The following LURAP1 variants were observed in gnomAD, a reference collection of about 807,000 sequenced individuals.
The protein encoded by LURAP1 is leucine rich adaptor protein 1.
Under a neutral mutation model 19.0 loss-of-function variants are expected in LURAP1, and 14 were observed. That is an observed-to-expected ratio of 0.74 (90% CI 0.49 to 1.15). LURAP1 has a LOEUF of 1.15. Ranked by LOEUF, LURAP1 falls within the 50% of genes most tolerant of loss-of-function variation. The pLI, the probability that LURAP1 is intolerant of heterozygous loss-of-function variation, is 0.00. For missense variants in LURAP1, 273 were observed against 309.1 expected (o/e 0.88, Z 0.87); for synonymous variants, 129 against 131.8 (o/e 0.98, Z 0.14).
At position 46,203,657 on chromosome 1, in the gene LURAP1, G is replaced by C. The variant is rs568578922; in HGVS notation, c.198+33G>C. 2.5e-6 allele frequency: 4 copies of C among 1,587,492 alleles called. No individual in the cohort carries two copies. The African/African-American group carries it at 5.4e-5, about 22-fold the overall frequency. The stretch of plus-strand genomic sequence containing the variant: ...CTGAATCCATGGGCCAAGGGGACGA[G>C]TCCCTAGTGTAGGGCCGGGAGGGAC... On this transcript the variant is annotated intron_variant, in intron 1 of 1. Coordinates refer to ENST00000371980, the MANE Select transcript of LURAP1 (RefSeq NM_001013615.3).
chr1:46,219,295 CAAAA>C (rs747473864), intron 1 of LURAP1, among the ~76,000 whole-genome samples: 1 of 97,588 alleles, frequency 1.0e-5, no homozygotes. Context: ...AACTCCATTT[CAAAA>C]AAAAAAAAAA....
chr1:46,209,327 A>T (rs1316214119), intron 1 of LURAP1, among the ~76,000 whole-genome samples: 3 of 152,000 alleles, frequency 2.0e-5, no homozygotes, highest in Admixed American at 6.6e-5. Context: ...CCAAAGCAAC[A>T]CATTTTATAC....
At chr1:46,216,815 C>T (rs140808186) in intron 1 of LURAP1, among the ~76,000 whole-genome samples, 27 of 152,306 alleles carry the variant, frequency 1.8e-4, no homozygotes, top group African/African-American at 6.5e-4. Flanking sequence ...CCAACAGTCC[C>T]CAGTGTCTAT....
At chr1:46,210,697 G>A (rs1658865484) in intron 1 of LURAP1, among the ~76,000 whole-genome samples, 2 of 152,240 alleles carry the variant, frequency 1.3e-5, no homozygotes, top group East Asian at 3.9e-4. Flanking sequence ...GAAGGGGTGC[G>A]GAACTTCTGT....
chr1:46,209,537 C>CTTTTTTT (rs55948355), intron 1 of LURAP1, among the ~76,000 whole-genome samples: 1 of 139,822 alleles, frequency 7.2e-6, no homozygotes. Flanking sequence ...TTGTTGTTTT[C>CTTTTTTT]TTTTTTTTTT....
chr1:46,221,230 C>A lies in LURAP1; in HGVS notation c.*1010C>A, dbSNP rs1488552912. 1 of 152,224 alleles carries A rather than the reference C, an allele frequency of 6.6e-6. No individual in the cohort carries two copies. The highest frequency in any genetic ancestry group is 2.4e-5 in the African/African-American group (1 of 41,440). The allele number at this position is 152,224 out of a possible 1,614,324, so 9.4% of individuals were successfully genotyped here. The stretch of plus-strand genomic sequence containing the variant: ...TGTTTGTGCTTCTTTTCAGGTCTTA[C>A]TTTTTAAATAGAGTGTTCTCATTTT... On this transcript the variant is annotated 3_prime_UTR_variant, in exon 2 of 2. Transcript: ENST00000371980.
chr1:46,213,436 C>G (rs1658966847), intron 1 of LURAP1, among the ~76,000 whole-genome samples: 1 of 151,254 alleles, frequency 6.6e-6, no homozygotes, highest in Non-Finnish European at 1.5e-5. Flanking sequence ...AAACCTCCTG[C>G]TGGTGTATTT....
At chr1:46,218,684 C>T (rs1659139307) in intron 1 of LURAP1, among the ~76,000 whole-genome samples, 1 of 152,184 alleles carries the variant, frequency 6.6e-6, no homozygotes, top group Non-Finnish European at 1.5e-5. Context: ...GGGAAGGTAA[C>T]AGTGCATCTG....
intron 1 of LURAP1, among the ~76,000 whole-genome samples, chr1:46,207,507 C>T (rs1283699142): frequency 2.6e-5 from 4 of 151,856 alleles, no homozygotes; most frequent in African/African-American, 9.7e-5. Context: ...TTTCCACTAG[C>T]GTTTGCCACA....
chr1:46,205,734 G>T (rs1201598504), intron 1 of LURAP1, among the ~76,000 whole-genome samples: 1 of 152,228 alleles, frequency 6.6e-6, no homozygotes, highest in East Asian at 1.9e-4. Flanking sequence ...CCAGAATGAG[G>T]AGAGATCCCC....
intron 1 of LURAP1, among the ~76,000 whole-genome samples, chr1:46,206,364 G>C (rs751047917): frequency 2.6e-5 from 4 of 152,170 alleles, no homozygotes; most frequent in South Asian, 4.2e-4. Flanking sequence ...CTGGGAGCTC[G>C]GACTGGGATT....
chr1:46,206,427 C>G (rs1216246823), intron 1 of LURAP1, among the ~76,000 whole-genome samples: 3 of 152,102 alleles, frequency 2.0e-5, no homozygotes. Context: ...GGAAACCATA[C>G]AGGACCCCAG....
At chr1:46,215,084 G>A (rs1659023656) in intron 1 of LURAP1, among the ~76,000 whole-genome samples, 1 of 151,862 alleles carries the variant, frequency 6.6e-6, no homozygotes, top group Non-Finnish European at 1.5e-5. Flanking sequence ...AAATTAGCCG[G>A]GTGTGGTGGT....
intron 1 of LURAP1, among the ~76,000 whole-genome samples, chr1:46,214,629 G>A (rs1166734896): frequency 6.6e-6 from 1 of 151,918 alleles, no homozygotes; most frequent in Non-Finnish European, 1.5e-5. Flanking sequence ...GCACTTGGGA[G>A]GCCAAGGCAG....
intron 1 of LURAP1, among the ~76,000 whole-genome samples, chr1:46,204,238 C>T (rs1658642648): frequency 6.6e-6 from 1 of 152,208 alleles, no homozygotes; most frequent in African/African-American, 2.4e-5. Flanking sequence ...TCCCTCGCCT[C>T]AGACTCAGTC....
At chr1:46,218,923 C>T (rs1659147233) in intron 1 of LURAP1, among the ~76,000 whole-genome samples, 2 of 152,034 alleles carry the variant, frequency 1.3e-5, no homozygotes, top group Non-Finnish European at 2.9e-5. Context: ...CCTTTTGGCC[C>T]AATCTACTTC....
intron 1 of LURAP1, among the ~76,000 whole-genome samples, chr1:46,214,420 A>T (rs1040983555): frequency 6.6e-6 from 1 of 152,188 alleles, no homozygotes; most frequent in Non-Finnish European, 1.5e-5. Flanking sequence ...ACGAACTTAT[A>T]AAAATCATTA....
At chr1:46,206,938 G>A (rs1658735252) in intron 1 of LURAP1, among the ~76,000 whole-genome samples, 2 of 152,200 alleles carry the variant, frequency 1.3e-5, no homozygotes, top group African/African-American at 4.8e-5. Context: ...TAGAACCCAG[G>A]AAGGGCCTCC....
intron 1 of LURAP1, among the ~76,000 whole-genome samples, chr1:46,219,203 G>A (rs1320564612): frequency 2.0e-5 from 3 of 151,930 alleles, no homozygotes; most frequent in Non-Finnish European, 4.4e-5. Context: ...ACTGAGGCAG[G>A]AGAATCGCTT....
Sources: gnomAD v4.1 joint callset for allele counts (sites outside exome capture counted in the v4.1 genomes callset) on GRCh38, gnomAD v4.1.1 for gene constraint, MANE v1.5 for transcripts, NCBI Gene and HGNC (gene_info 2026-07-23, HGNC 2026-07-21) for gene names.